MCPH1: variants seen among roughly 807,000 people sequenced by gnomAD.
MCPH1 encodes the protein microcephalin 1, also known as microcephalin.
A neutral mutation model predicts 84.5 loss-of-function variants in MCPH1; 104 were observed. The ratio of observed to expected loss-of-function variants is 1.23; its 90% confidence interval spans 1.05 to 1.45. The LOEUF is 1.45. MCPH1 is among the 40% of genes most tolerant of loss of function. The probability of loss-of-function intolerance (pLI) is 0.00; values close to 1 mark genes in which losing one functional copy is unlikely to be tolerated. For missense variants in MCPH1, 1,498 were observed against 1,005.7 expected, an observed-to-expected ratio of 1.49 and a Z score of -6.62; for synonymous variants, 514 against 366.8, an observed-to-expected ratio of 1.40 and a Z score of -4.58.
chr8:6,584,854 G>A (rs866533083), intron 12 of MCPH1, among the ~76,000 whole-genome samples: 7 of 152,152 alleles, frequency 4.6e-5, no homozygotes, highest in African/African-American at 1.2e-4. Context: ...TCCCCTAGTT[G>A]CACAGTTACC....
rs1829251892 is a variant in MCPH1 at position 6,600,247 on chromosome 8, C to A, written c.2215-21207C>A. On this transcript the variant is annotated intron_variant, in intron 12 of 13. Transcript: ENST00000344683. ...ATTTTTAAGACTCACTAGTGTGCTA[C>A]TTCTAATAGTGCTTAGTCAGGGACC... 2.0e-5 allele frequency among the ~76,000 whole-genome samples: 3 copies of A among 152,238 alleles called. No homozygotes were observed. In the South Asian group the frequency reaches 6.2e-4, roughly 31 times the overall value.
At chr8:6,449,431 C>G (rs973701171) in intron 8 of MCPH1, among the ~76,000 whole-genome samples, 3 of 152,050 alleles carry the variant, frequency 2.0e-5, no homozygotes, top group African/African-American at 4.8e-5. Flanking sequence ...GTCAGGAGTT[C>G]AAGACCAACC....
At chr8:6,585,284 G>A (rs930496619) in intron 12 of MCPH1, among the ~76,000 whole-genome samples, 13 of 152,218 alleles carry the variant, frequency 8.5e-5, no homozygotes, top group Admixed American at 1.3e-4. Context: ...TACACGTGAA[G>A]CAGGATCCGT....
At chr8:6,627,185 G>A (rs1202087174) in intron 13 of MCPH1, 4 of 985,218 alleles carry the variant, frequency 4.1e-6, no homozygotes, top group African/African-American at 1.7e-5. Context: ...GGGGCCACTC[G>A]GGAGGCCTCA....
chr8:6,609,837 G>C (rs951028609), intron 12 of MCPH1, among the ~76,000 whole-genome samples: 24 of 82,632 alleles, frequency 2.9e-4, no homozygotes, highest in African/African-American at 8.7e-4. Flanking sequence ...CCCACACACA[G>C]ACTGCCAGGT....
intron 12 of MCPH1, among the ~76,000 whole-genome samples, chr8:6,560,353 C>G (rs1457109928): frequency 6.6e-6 from 1 of 152,162 alleles, no homozygotes; most frequent in Non-Finnish European, 1.5e-5. Flanking sequence ...TGTGGCTTAT[C>G]TCTCATTCCA....
intron 12 of MCPH1, among the ~76,000 whole-genome samples, chr8:6,592,623 G>GT (rs573651366): frequency 0.015 from 1,202 of 77,572 alleles, 34 homozygotes; most frequent in African/African-American, 0.054. Context: ...TCTTTTTTTT[G>GT]TTTTTTTTTT....
intron 12 of MCPH1, among the ~76,000 whole-genome samples, chr8:6,509,727 A>G (rs1485434286): frequency 1.3e-5 from 2 of 152,202 alleles, no homozygotes; most frequent in African/African-American, 4.8e-5. Flanking sequence ...AAAATGTTGT[A>G]TATTGAAAAT....
At chr8:6,640,557 C>T (rs1417114667) in intron 13 of MCPH1, among the ~76,000 whole-genome samples, 4 of 152,156 alleles carry the variant, frequency 2.6e-5, no homozygotes, top group Non-Finnish European at 5.9e-5. Flanking sequence ...ATATTTTTCA[C>T]ATGGTTTTAC....
At chr8:6,631,300 G>C (rs547747227) in intron 13 of MCPH1, among the ~76,000 whole-genome samples, 1 of 152,216 alleles carries the variant, frequency 6.6e-6, no homozygotes, top group Admixed American at 6.5e-5. Flanking sequence ...AAGCCACAGA[G>C]AGGCAATTAA....
intron 12 of MCPH1, among the ~76,000 whole-genome samples, chr8:6,576,142 C>T (rs1827072251): frequency 6.6e-6 from 1 of 151,884 alleles, no homozygotes; most frequent in African/African-American, 2.4e-5. Flanking sequence ...TGGTTCTTCT[C>T]CTTCTTGTTC....
intron 12 of MCPH1, among the ~76,000 whole-genome samples, chr8:6,582,096 G>T (rs984171730): frequency 4.6e-5 from 7 of 152,198 alleles, no homozygotes; most frequent in Non-Finnish European, 8.8e-5. Context: ...TGCAGTGCTT[G>T]GCTGTGGGAT....
intron 12 of MCPH1, among the ~76,000 whole-genome samples, chr8:6,523,116 G>T (rs1817674144): frequency 6.6e-6 from 1 of 151,932 alleles, no homozygotes; most frequent in South Asian, 2.1e-4. Flanking sequence ...TCCTGCCTCA[G>T]TCTCCCGAGT....
At chr8:6,590,061 C>T (rs975978737) in intron 12 of MCPH1, among the ~76,000 whole-genome samples, 9 of 152,102 alleles carry the variant, frequency 5.9e-5, no homozygotes, top group East Asian at 1.9e-4. Context: ...CACATTAGCA[C>T]GTTCTTTATA....
At chr8:6,560,147 G>A (rs996602309) in intron 12 of MCPH1, among the ~76,000 whole-genome samples, 1 of 152,140 alleles carries the variant, frequency 6.6e-6, no homozygotes, top group African/African-American at 2.4e-5. Context: ...AAAAGTGTAC[G>A]GATTTTGTAG....
At chr8:6,408,888 TTTC>T (rs1479046660) in intron 1 of MCPH1, among the ~76,000 whole-genome samples, 34 of 5,728 alleles carry the variant, frequency 5.9e-3, no homozygotes, top group African/African-American at 6.8e-3. Flanking sequence ...GTTTTACTTT[TTTC>T]TTTTTTTTTT....
intron 9 of MCPH1, among the ~76,000 whole-genome samples, chr8:6,473,646 C>T (rs79874906): frequency 0.011 from 1,709 of 152,186 alleles, 35 homozygotes; most frequent in African/African-American, 0.04. Context: ...CAATCCTTAA[C>T]AATGCTATAT....
At chr8:6,628,478 A>T (rs1796919148) in intron 13 of MCPH1, among the ~76,000 whole-genome samples, 1 of 149,158 alleles carries the variant, frequency 6.7e-6, no homozygotes, top group Non-Finnish European at 1.5e-5. Flanking sequence ...TCAAAAAAAA[A>T]AAAAAAAAAA....
At chr8:6,473,522 G>T (rs770658389) in intron 9 of MCPH1, among the ~76,000 whole-genome samples, 19 of 151,830 alleles carry the variant, frequency 1.3e-4, no homozygotes, top group Non-Finnish European at 2.4e-4. Flanking sequence ...TAGTAGAGAT[G>T]AGGTTTCACA....
Sources: allele counts gnomAD v4.1 joint callset (sites outside exome capture counted in the v4.1 genomes callset), GRCh38; gene constraint gnomAD v4.1.1; transcripts MANE v1.5; gene names NCBI Gene and HGNC (gene_info 2026-07-23, HGNC 2026-07-21).